The following EPS15 variants were observed in gnomAD, a reference collection of about 807,000 sequenced individuals.
EPS15 encodes epidermal growth factor receptor pathway substrate 15.
EPS15 carries 72 observed loss-of-function variants against 113.8 expected under a neutral mutation model. The observed-to-expected ratio is 0.63, with a 90% CI of 0.52 to 0.77. EPS15 has a LOEUF of 0.77. EPS15 is among the 30% of genes least tolerant of loss of function. The probability of loss-of-function intolerance (pLI) is 0.00; values close to 1 mark genes in which losing one functional copy is unlikely to be tolerated. For synonymous variants in EPS15, 344 were observed against 363.4 expected (o/e 0.95, Z 0.61); for missense variants, 1,048 against 1,045.8 (o/e 1.00, Z -0.03).
At chr1:51,451,968 G>A (rs1054824545) in intron 8 of EPS15, among the ~76,000 whole-genome samples, 4 of 151,110 alleles carry the variant, frequency 2.6e-5, no homozygotes, top group Admixed American at 6.6e-5. Context: ...TACAACCTCC[G>A]TCTCCTGGGC....
chr1:51,429,959 C>T (rs574478581), intron 12 of EPS15, among the ~76,000 whole-genome samples: 1 of 152,160 alleles, frequency 6.6e-6, no homozygotes, highest in Admixed American at 6.5e-5. Flanking sequence ...CCAAGACAGA[C>T]TTTCAATACA....
intron 8 of EPS15, among the ~76,000 whole-genome samples, chr1:51,454,949 G>C (rs1167483203): frequency 6.8e-6 from 1 of 147,502 alleles, no homozygotes. Flanking sequence ...AAAAAAAAAA[G>C]AGCATGACTC....
chr1:51,490,176 G>C, intron 1 of EPS15: 1 of 318,018 alleles, frequency 3.1e-6, no homozygotes, highest in South Asian at 2.3e-5. Flanking sequence ...TGTGGGAGGA[G>C]ATATTAGAGT....
Position 51,394,388 on chromosome 1 carries a change from G to T in EPS15, c.2112C>A (p.Ser704Arg). Reference protein sequence around the residue: ...FAPGGTVVAASDSATDPFASV... With the variant: ...FAPGGTVVAARDSATDPFASV... ...GATAAATTATTTATTTACCTGAATC[G>T]CTTGCTGCAACAACTGTTCCACCAG... Residue 704 changes from serine to arginine, a missense_variant, in exon 21 of 25, where the codon AGC becomes AGA. Physicochemically the swap from Ser to Arg is moderately radical, Grantham distance 110. Transcript: ENST00000371733. The T allele has an allele frequency of 6.3e-7, 1 of 1,590,342 alleles. No individual in the cohort carries two copies. The highest frequency in any genetic ancestry group is 1.3e-5 in the African/African-American group (1 of 74,586).
At chr1:51,471,819 A>G in intron 3 of EPS15, 82 bp from the exon 4 acceptor site, 1 of 978,748 alleles carries the variant, frequency 1.0e-6, no homozygotes, top group Non-Finnish European at 1.6e-6. Flanking sequence ...TGCTATTTAC[A>G]ACCTCAGGCT....
At chr1:51,410,562 C>A (rs1040139201) in intron 13 of EPS15, among the ~76,000 whole-genome samples, 3 of 152,142 alleles carry the variant, frequency 2.0e-5, no homozygotes, top group African/African-American at 7.2e-5. Flanking sequence ...ACATACCAGA[C>A]CTCATGCTTA....
chr1:51,491,929 C>T (rs2148538355), intron 1 of EPS15, among the ~76,000 whole-genome samples: 1 of 148,492 alleles, frequency 6.7e-6, no homozygotes, highest in South Asian at 2.1e-4. Flanking sequence ...TGCAGTGGCA[C>T]AATCTCCACT....
At chr1:51,411,935 T>C (rs1403702014) in intron 13 of EPS15, among the ~76,000 whole-genome samples, 4 of 152,118 alleles carry the variant, frequency 2.6e-5, no homozygotes, top group East Asian at 1.9e-4. Flanking sequence ...CTATTCACAA[T>C]AGCAAAGACT....
chr1:51,421,484 A>C (rs1650749235), intron 13 of EPS15, among the ~76,000 whole-genome samples: 1 of 152,100 alleles, frequency 6.6e-6, no homozygotes, highest in South Asian at 2.1e-4. Flanking sequence ...AAATATTAAC[A>C]TTGTAAGTCA....
chr1:51,424,303 C>T (rs1277919797), intron 12 of EPS15, among the ~76,000 whole-genome samples: 2 of 152,174 alleles, frequency 1.3e-5, no homozygotes, highest in Non-Finnish European at 2.9e-5. Context: ...ATTCTGTTGT[C>T]TTGCAATGAT....
intron 1 of EPS15, among the ~76,000 whole-genome samples, chr1:51,489,097 T>C (rs1229220468): frequency 6.6e-6 from 1 of 151,722 alleles, no homozygotes; most frequent in Non-Finnish European, 1.5e-5. Flanking sequence ...TACTTGTTAC[T>C]TGAAATTTGT....
intron 21 of EPS15, among the ~76,000 whole-genome samples, chr1:51,391,278 C>T (rs1429304503): frequency 6.6e-6 from 1 of 151,726 alleles, no homozygotes; most frequent in Non-Finnish European, 1.5e-5. Flanking sequence ...AACACATGGA[C>T]ACAGGAAGGG....
In EPS15 at chr1:51,443,807, C is replaced by T. The variant is rs532210706; in HGVS notation, c.954+1082G>A. Among the ~76,000 whole-genome samples the T allele has an allele frequency of 1.4e-4, 22 of 152,058 alleles. 1 individual carries two copies. In the South Asian group the frequency reaches 1.7e-3, roughly 11 times the overall value. ...AGCTAGAACTACAGGTACACGCCAA[C>T]GCACCTGGCTAATTTTTTTGTTTTT... On this transcript the variant is annotated intron_variant, in intron 11 of 24. Transcript: ENST00000371733.
At chr1:51,486,401 G>A (rs1054801281) in intron 1 of EPS15, among the ~76,000 whole-genome samples, 24 of 141,670 alleles carry the variant, frequency 1.7e-4, no homozygotes, top group African/African-American at 6.3e-4. Context: ...CTCCAGCCTG[G>A]GCTACAAGAG....
chr1:51,370,371 T>G (rs377303870), intron 21 of EPS15, among the ~76,000 whole-genome samples: 3 of 152,160 alleles, frequency 2.0e-5, no homozygotes, highest in Non-Finnish European at 4.4e-5. Flanking sequence ...TTTGGAATAT[T>G]TGCACTGTAT....
At chr1:51,403,614 T>C in intron 16 of EPS15, 82 bp from the exon 17 acceptor site, 1 of 668,216 alleles carries the variant, frequency 1.5e-6, no homozygotes, top group Non-Finnish European at 2.5e-6. Flanking sequence ...CCAAAAACTA[T>C]TTAAAAATAA....
intron 8 of EPS15, among the ~76,000 whole-genome samples, chr1:51,449,561 CT>C (rs1244947062): frequency 6.6e-6 from 1 of 151,916 alleles, no homozygotes; most frequent in Non-Finnish European, 1.5e-5. Context: ...ACATGTACCC[CT>C]GAACCTAAAA....
At chr1:51,493,682 G>T (rs1484523645) in intron 1 of EPS15, among the ~76,000 whole-genome samples, 4 of 151,012 alleles carry the variant, frequency 2.6e-5, no homozygotes, top group Non-Finnish European at 5.9e-5. Context: ...GCAATGGCAC[G>T]ATCTCGGCTC....
chr1:51,357,394 ATATATATATATATATATATATAT>A (rs1646250926), intron 24 of EPS15, among the ~76,000 whole-genome samples: 1 of 61,734 alleles, frequency 1.6e-5, no homozygotes, highest in Non-Finnish European at 2.6e-5. Flanking sequence ...AAAAAAAAAT[ATATATATATATATATATATATAT>A]ATATATATAT....
Sources: gnomAD v4.1 joint callset for allele counts (sites outside exome capture counted in the v4.1 genomes callset) on GRCh38, gnomAD v4.1.1 for gene constraint, MANE v1.5 for transcripts, NCBI Gene and HGNC (gene_info 2026-07-23, HGNC 2026-07-21) for gene names.